Variants in DNAH7 observed in about 807,000 individuals in gnomAD.
The protein encoded by DNAH7 is dynein axonemal heavy chain 7, also known as axonemal beta dynein heavy chain 7.
Under a neutral mutation model 444.6 loss-of-function variants are expected in DNAH7, and 397 were observed. That is an observed-to-expected ratio of 0.89 (90% CI 0.82 to 0.97). The LOEUF (loss-of-function observed/expected upper bound fraction) is 0.97. Among genes scored for constraint, DNAH7 ranks in the 50% least tolerant of loss-of-function variants. The probability of loss-of-function intolerance (pLI) is 0.00; values close to 1 mark genes in which losing one functional copy is unlikely to be tolerated. For missense variants in DNAH7, 4,902 were observed against 4,800.8 expected, an observed-to-expected ratio of 1.02 and a Z score of -0.62; for synonymous variants, 1,636 against 1,624.4, an observed-to-expected ratio of 1.01 and a Z score of -0.17.
Position 195,821,169 on chromosome 2 carries a change from A to G in DNAH7, c.9291+3086T>C, listed in dbSNP as rs1246427924. 1.9e-4 allele frequency among the ~76,000 whole-genome samples: 29 copies of G among 151,822 alleles called. 1 individual carries two copies. The highest frequency in any genetic ancestry group is 1.9e-3 in the Admixed American group (29 of 15,258). On this transcript the variant is annotated intron_variant, in intron 49 of 64. Coordinates refer to ENST00000312428, the MANE Select transcript of DNAH7 (RefSeq NM_018897.3). ...CAACTGGTGGGAAGGTTAAAAAAAAAAAAAAGAAGAAGAAGAAGAGTCAAA... is the reference window on the plus strand; with the variant it reads ...CAACTGGTGGGAAGGTTAAAAAAAAGAAAAAGAAGAAGAAGAAGAGTCAAA...
chr2:195,853,250 A>G (rs1699492649), intron 46 of DNAH7, 93 bp downstream of exon 46: 1 of 1,248,886 alleles, frequency 8.0e-7, no homozygotes, highest in South Asian at 2.0e-5. Context: ...TGTACTTAAC[A>G]AAAAACTGAA....
Position 195,923,761 on chromosome 2 carries a change from A to G in DNAH7, c.3659T>C (p.Ile1220Thr), listed in dbSNP as rs1688166064. Residue 1220 changes from isoleucine (I) to threonine (T), a missense_variant, in exon 23 of 65, where the codon ATT becomes ACT. Ile to Thr is a moderately conservative substitution (Grantham distance 89). Coordinates refer to ENST00000312428, the MANE Select transcript of DNAH7 (RefSeq NM_018897.3). Reference sequence around the variant, plus strand: ...CAATTTGCCACGCACCAAAGTGACAATATCATCAATTTGTCTGTTACATGT... The same window carrying G: ...CAATTTGCCACGCACCAAAGTGACAGTATCATCAATTTGTCTGTTACATGT... The part of the protein sequence containing the change: ...LKTCNRQIDD[I>T]VTLVRGKLSM... 5 of 1,614,170 alleles carry G rather than the reference A, an allele frequency of 3.1e-6. No individual in the cohort carries two copies. The highest frequency in any genetic ancestry group is 4.2e-6 in the Non-Finnish European group (5 of 1,180,022).
intron 49 of DNAH7, among the ~76,000 whole-genome samples, chr2:195,823,581 A>T (rs987037601): frequency 2.6e-5 from 4 of 152,092 alleles, no homozygotes; most frequent in African/African-American, 7.2e-5. Flanking sequence ...AAATCTAAAT[A>T]AGCTTCTTAA....
rs752212270 is a variant in DNAH7, at chr2:195,970,143, G to T, written c.2059-49C>A. ...ATATTCTTAAAAGTTAAAACCCCTT[G>T]CTGTCAAAAAATTTTAACATTGTAG... On this transcript the variant is annotated intron_variant, in intron 16 of 64. Transcript: ENST00000312428. 2.0e-6 allele frequency: 3 copies of T among 1,521,576 alleles called. No homozygotes were observed. In the Admixed American group the frequency reaches 7.0e-5, roughly 35 times the overall value. The allele number at this position is 1,521,576 out of a possible 1,614,324, so 94.3% of individuals were successfully genotyped here.
intron 40 of DNAH7, among the ~76,000 whole-genome samples, chr2:195,866,938 G>A (rs919892622): frequency 1.3e-5 from 2 of 152,110 alleles, no homozygotes; most frequent in Admixed American, 6.5e-5. Context: ...AAAAAGGGGA[G>A]TTTCCCTGCA....
At chr2:195,852,775 A>T (rs898017789) in intron 46 of DNAH7, among the ~76,000 whole-genome samples, 2 of 152,108 alleles carry the variant, frequency 1.3e-5, no homozygotes, top group Non-Finnish European at 2.9e-5. Context: ...TAAGGAACAA[A>T]GCCACTTATC....
chr2:195,856,253 G>A (rs370835785), intron 44 of DNAH7, among the ~76,000 whole-genome samples: 9 of 152,236 alleles, frequency 5.9e-5, no homozygotes, highest in African/African-American at 2.2e-4. Context: ...TTTCCAAAAG[G>A]AGAGTAGGAT....
chr2:196,048,233 A>C (rs1268954644), intron 4 of DNAH7, 63 bp downstream of exon 4: 4 of 1,423,692 alleles, frequency 2.8e-6, no homozygotes, highest in Non-Finnish European at 2.9e-6. Context: ...TATTAACTAA[A>C]TATTGTCTGG....
rs114671736 is a variant in DNAH7, at chr2:196,015,754, T to G, written c.870-2848A>C. On this transcript the variant is annotated intron_variant, in intron 9 of 64. Transcript: ENST00000312428. Reference sequence around the variant, plus strand: ...CACTGCCACACATAGAGATGTCGTATATTTTCAAGGTCTGCTGAGATTCAG... The same window carrying G: ...CACTGCCACACATAGAGATGTCGTAGATTTTCAAGGTCTGCTGAGATTCAG... Among the ~76,000 whole-genome samples, 518 of 152,326 alleles carry G rather than the reference T, an allele frequency of 3.4e-3. 2 individuals carry two copies. Among genetic ancestry groups the G allele is most frequent in the African/African-American group, 0.012 (497 of 41,578 alleles).
At chr2:196,030,023 A>G (rs1695947792) in intron 5 of DNAH7, among the ~76,000 whole-genome samples, 1 of 152,190 alleles carries the variant, frequency 6.6e-6, no homozygotes. Flanking sequence ...GAGATATTTC[A>G]CAAATTTCTG....
At chr2:196,064,329 AAATAAATAAATAAATAAAT>A (rs1298047653) in intron 1 of DNAH7, among the ~76,000 whole-genome samples, 1 of 27,036 alleles carries the variant, frequency 3.7e-5, no homozygotes, top group East Asian at 9.3e-4. Context: ...ATAAATAAAT[AAATAAATAAATAAATAAAT>A]AATAAATAAT....
chr2:195,766,475 G>T (rs1364883514), intron 61 of DNAH7, among the ~76,000 whole-genome samples: 1 of 151,984 alleles, frequency 6.6e-6, no homozygotes, highest in South Asian at 2.1e-4. Flanking sequence ...GGCCATGGAA[G>T]CTAAATATTA....
intron 48 of DNAH7, among the ~76,000 whole-genome samples, chr2:195,825,947 C>T (rs1697722887): frequency 6.6e-6 from 1 of 152,138 alleles, no homozygotes; most frequent in African/African-American, 2.4e-5. Context: ...AGCCAACAGC[C>T]TGTCAGATTA....
At chr2:195,972,555 C>A in intron 15 of DNAH7, 89 bp from the exon 16 acceptor site, 1 of 961,006 alleles carries the variant, frequency 1.0e-6, no homozygotes, top group South Asian at 1.5e-5. Context: ...TAACTATGCA[C>A]AGACTTATTA....
In DNAH7 at chr2:195,910,010, G is replaced by A. The variant is rs1239732730; in HGVS notation, c.4104+17C>T. 1.2e-6 allele frequency: 2 copies of A among 1,605,644 alleles called. No individual in the cohort carries two copies. Among genetic ancestry groups the A allele is most frequent in the Non-Finnish European group, 1.7e-6 (2 of 1,175,030 alleles). On this transcript the variant is annotated intron_variant, in intron 25 of 64. Transcript: ENST00000312428. The stretch of plus-strand genomic sequence containing the variant: ...ATCAGTTATCCTGTTGTAAAGAAAT[G>A]AGGAGTTAATTCAAACCTTAAAGAA...
intron 61 of DNAH7, among the ~76,000 whole-genome samples, chr2:195,759,500 T>C (rs1487475040): frequency 1.3e-5 from 2 of 152,034 alleles, no homozygotes; most frequent in East Asian, 1.9e-4. Flanking sequence ...AGATTCCTTT[T>C]TGAGGAAAGC....
chr2:195,836,134 T>C (rs1488655472), intron 47 of DNAH7, among the ~76,000 whole-genome samples: 6 of 152,176 alleles, frequency 3.9e-5, no homozygotes, highest in Non-Finnish European at 7.3e-5. Context: ...ATGTTCCTGG[T>C]GCTGCTCCCT....
chr2:195,775,809 C>T, intron 60 of DNAH7, 37 bp downstream of exon 60: 1 of 1,595,774 alleles, frequency 6.3e-7, no homozygotes, highest in Non-Finnish European at 8.5e-7. Context: ...GCATCCTTCC[C>T]AGGCCTCAGA....
intron 9 of DNAH7, among the ~76,000 whole-genome samples, chr2:196,018,183 G>A (rs564473508): frequency 7.9e-5 from 12 of 152,210 alleles, no homozygotes; most frequent in African/African-American, 2.9e-4. Flanking sequence ...ACAAACACAT[G>A]AAAAGATGTT....
Sources: allele counts gnomAD v4.1 joint callset (sites outside exome capture counted in the v4.1 genomes callset), GRCh38; gene constraint gnomAD v4.1.1; transcripts MANE v1.5; gene names NCBI Gene and HGNC (gene_info 2026-07-23, HGNC 2026-07-21).